Variants in RALYL observed in about 807,000 individuals in gnomAD.
RALYL encodes the protein RNA-binding Raly-like protein.
Under a neutral mutation model 35.1 loss-of-function variants are expected in RALYL, and 29 were observed. The ratio of observed to expected loss-of-function variants is 0.83; its 90% CI spans 0.61 to 1.13. The LOEUF is 1.13. Ranked by LOEUF, RALYL falls within the 50% of genes most tolerant of loss-of-function variation. RALYL has a pLI of 0.00. For synonymous variants in RALYL, 120 were observed against 127.6 expected, an observed-to-expected ratio of 0.94 and a Z score of 0.40; for missense variants, 359 against 360.4, an observed-to-expected ratio of 1.00 and a Z score of 0.03.
At chr8:84,607,746 T>C (rs758672532) in intron 2 of RALYL, among the ~76,000 whole-genome samples, 5 of 152,110 alleles carry the variant, frequency 3.3e-5, no homozygotes, top group Non-Finnish European at 7.4e-5. Context: ...AGGAACCTAT[T>C]GTGTATATAC....
intron 2 of RALYL, among the ~76,000 whole-genome samples, chr8:84,645,930 A>G (rs1194239851): frequency 6.6e-6 from 1 of 151,970 alleles, no homozygotes; most frequent in Admixed American, 6.6e-5. Context: ...TTTTAAGTCT[A>G]ATAGTTTTAC....
chr8:84,772,651 A>G (rs1300198501), intron 2 of RALYL, among the ~76,000 whole-genome samples: 1 of 152,100 alleles, frequency 6.6e-6, no homozygotes, highest in Non-Finnish European at 1.5e-5. Flanking sequence ...ATAGAGATAT[A>G]CAATTGAATT....
intron 2 of RALYL, among the ~76,000 whole-genome samples, chr8:84,640,918 C>T (rs1311716001): frequency 4.6e-5 from 7 of 152,008 alleles, no homozygotes; most frequent in Non-Finnish European, 5.9e-5. Context: ...TAGTTCCCTT[C>T]TAATTATAGT....
intron 2 of RALYL, among the ~76,000 whole-genome samples, chr8:84,532,949 CTT>C (rs939753523): frequency 1.6e-4 from 25 of 151,924 alleles, no homozygotes; most frequent in Non-Finnish European, 2.1e-4. Context: ...TAGCTTCTGT[CTT>C]TGATATATAA....
At chr8:84,848,107 G>T (rs1051498551) in intron 4 of RALYL, among the ~76,000 whole-genome samples, 1 of 151,994 alleles carries the variant, frequency 6.6e-6, no homozygotes, top group African/African-American at 2.4e-5. Context: ...TTCTCAAAAC[G>T]TTAAACATAG....
Position 84,195,605 on chromosome 8 carries a change from A to C in RALYL, c.-24+11181A>C, listed in dbSNP as rs866025530. 7.9e-5 allele frequency among the ~76,000 whole-genome samples: 12 copies of C among 152,322 alleles called. No individual in the cohort carries two copies. In the South Asian group the frequency reaches 1.7e-3, roughly 21 times the overall value. On this transcript the variant is annotated intron_variant, in intron 1 of 8. Coordinates refer to ENST00000521268, the MANE Select transcript of RALYL (RefSeq NM_173848.7). ...TTGCTTGTAGTTCTTTGGGTTATTA[A>C]GGCACTTGAACAAACTAGCATGCAA...
At chr8:84,677,234 T>C (rs1834397217) in intron 2 of RALYL, among the ~76,000 whole-genome samples, 1 of 152,230 alleles carries the variant, frequency 6.6e-6, no homozygotes, top group Non-Finnish European at 1.5e-5. Context: ...ATGTCCCAGA[T>C]AAAATAAAAT....
At chr8:84,521,943 T>G (rs1329259170) in intron 1 of RALYL, among the ~76,000 whole-genome samples, 2 of 152,158 alleles carry the variant, frequency 1.3e-5, no homozygotes, top group Non-Finnish European at 2.9e-5. Context: ...TAAGATATCT[T>G]AGCTAACATT....
At chr8:84,356,151 A>T (rs1851795642) in intron 1 of RALYL, among the ~76,000 whole-genome samples, 1 of 150,258 alleles carries the variant, frequency 6.7e-6, no homozygotes. Flanking sequence ...GCTTCCTGTT[A>T]AGTCTGTGTA....
chr8:84,507,014 A>G (rs2057225669), intron 1 of RALYL, among the ~76,000 whole-genome samples: 1 of 152,108 alleles, frequency 6.6e-6, no homozygotes, highest in South Asian at 2.1e-4. Context: ...AGAAAGTACC[A>G]TATGTACTTT....
At chr8:84,722,316 G>T (rs1415478503) in intron 2 of RALYL, among the ~76,000 whole-genome samples, 1 of 151,940 alleles carries the variant, frequency 6.6e-6, no homozygotes, top group African/African-American at 2.4e-5. Flanking sequence ...AAAGAGCAAT[G>T]AGTAATTCAA....
At chr8:84,839,613 G>GAGAGTAGTGGTTC (rs1172640793) in intron 4 of RALYL, among the ~76,000 whole-genome samples, 1 of 152,248 alleles carries the variant, frequency 6.6e-6, no homozygotes, top group Non-Finnish European at 1.5e-5. Flanking sequence ...CAGCTTTGAA[G>GAGAGTAGTGGTTC]AGAGTAGTGG....
intron 4 of RALYL, among the ~76,000 whole-genome samples, chr8:84,834,034 C>A (rs1316250279): frequency 6.6e-6 from 1 of 151,994 alleles, no homozygotes; most frequent in Non-Finnish European, 1.5e-5. Context: ...ATACATTTTC[C>A]CTTGAAGGAA....
chr8:84,427,298 C>A (rs2046601760), intron 1 of RALYL, among the ~76,000 whole-genome samples: 1 of 152,184 alleles, frequency 6.6e-6, no homozygotes, highest in African/African-American at 2.4e-5. Flanking sequence ...GTCCATTCTC[C>A]ACACTGCTTC....
intron 2 of RALYL, among the ~76,000 whole-genome samples, chr8:84,653,913 C>T (rs1364652828): frequency 6.6e-6 from 1 of 150,628 alleles, no homozygotes; most frequent in African/African-American, 2.5e-5. Flanking sequence ...GAACTTACAC[C>T]TTCTAACATA....
chr8:84,785,543 A>G (rs1468084006), intron 3 of RALYL, among the ~76,000 whole-genome samples: 2 of 152,276 alleles, frequency 1.3e-5, no homozygotes, highest in Admixed American at 6.5e-5. Context: ...TTTTCCTTCA[A>G]ACTCGGTGCA....
chr8:84,254,882 G>T (rs1830930068), intron 1 of RALYL, among the ~76,000 whole-genome samples: 1 of 151,990 alleles, frequency 6.6e-6, no homozygotes, highest in Non-Finnish European at 1.5e-5. Context: ...AATGATGAAT[G>T]CAGGAGGAAC....
In RALYL at chr8:84,864,106, T is replaced by C. The variant is rs1413172494; in HGVS notation, c.571+1653T>C. On this transcript the variant is annotated intron_variant, in intron 6 of 8. Coordinates refer to ENST00000521268, the MANE Select transcript of RALYL (RefSeq NM_173848.7). ...AATAATGTGAAGAGACTTTACAGTT[T>C]GTAACCATTACAACATGTAACATAA... Among the ~76,000 whole-genome samples, 3 of 152,342 alleles carry C rather than the reference T, an allele frequency of 2.0e-5. No homozygotes were observed. In the East Asian group the frequency reaches 5.8e-4, roughly 29 times the overall value.
intron 2 of RALYL, among the ~76,000 whole-genome samples, chr8:84,675,891 A>G (rs942003169): frequency 6.6e-6 from 1 of 152,190 alleles, no homozygotes; most frequent in Non-Finnish European, 1.5e-5. Context: ...TTGTACAAAT[A>G]AAAAGGGGGA....
Sources: allele counts gnomAD v4.1 joint callset (sites outside exome capture counted in the v4.1 genomes callset), GRCh38; gene constraint gnomAD v4.1.1; transcripts MANE v1.5; gene names NCBI Gene and HGNC (gene_info 2026-07-23, HGNC 2026-07-21).